Variants in NCK1 observed in about 807,000 individuals in gnomAD.
NCK1 encodes the protein NCK adaptor protein 1.
NCK1 carries 19 observed loss-of-function variants against 36.6 expected under a neutral mutation model. That is an observed-to-expected ratio of 0.52 (90% confidence interval 0.36 to 0.76). The LOEUF is 0.76. NCK1 is among the 30% of genes least tolerant of loss of function. NCK1 has a pLI of 0.00. For missense variants in NCK1, 358 were observed against 445.6 expected, an observed-to-expected ratio of 0.80 and a Z score of 1.77; for synonymous variants, 165 against 156.0, an observed-to-expected ratio of 1.06 and a Z score of -0.43.
chr3:136,875,332 A>G (rs1938736454), intron 1 of NCK1, among the ~76,000 whole-genome samples: 1 of 152,056 alleles, frequency 6.6e-6, no homozygotes, highest in Non-Finnish European at 1.5e-5. Flanking sequence ...AACAGGGACA[A>G]TTTGACTTCC....
intron 1 of NCK1, among the ~76,000 whole-genome samples, chr3:136,888,136 G>C (rs1339217703): frequency 1.3e-5 from 2 of 151,892 alleles, no homozygotes; most frequent in African/African-American, 2.4e-5. Flanking sequence ...GTAGAGACAG[G>C]GTTTCGCCAT....
chr3:136,925,602 A>C (rs1046609326), intron 1 of NCK1, among the ~76,000 whole-genome samples: 1 of 152,154 alleles, frequency 6.6e-6, no homozygotes, highest in Non-Finnish European at 1.5e-5. Flanking sequence ...GTGTTATATA[A>C]ATGGAGTCAT....
intron 1 of NCK1, among the ~76,000 whole-genome samples, chr3:136,907,501 C>G (rs1448086547): frequency 6.6e-5 from 10 of 152,128 alleles, no homozygotes; most frequent in Admixed American, 1.3e-4. Context: ...GAGGGCTTCT[C>G]CCATGGCTAG....
intron 1 of NCK1, 113 bp from the exon 2 acceptor site, chr3:136,927,871 A>G: frequency 1.3e-6 from 1 of 789,096 alleles, no homozygotes; most frequent in Non-Finnish European, 2.0e-6. Context: ...TTTTTTCCAT[A>G]TTTTTTACTT....
At chr3:136,899,305 G>T in intron 1 of NCK1, 1 of 239,388 alleles carries the variant, frequency 4.2e-6, no homozygotes, top group South Asian at 6.4e-5. Flanking sequence ...GGCGAGGACT[G>T]AGATTCTGAT....
At chr3:136,921,900 C>T (rs1354443767) in intron 1 of NCK1, among the ~76,000 whole-genome samples, 1 of 152,204 alleles carries the variant, frequency 6.6e-6, no homozygotes, top group Non-Finnish European at 1.5e-5. Flanking sequence ...TCCCCTGCCT[C>T]AGTCTCCTGA....
intron 2 of NCK1, 116 bp downstream of exon 2, chr3:136,928,343 G>C (rs577075504): frequency 3.2e-6 from 3 of 946,226 alleles, no homozygotes; most frequent in Non-Finnish European, 4.7e-6. Flanking sequence ...CAAGGGCTAG[G>C]TAAGTTTGAG....
At chr3:136,877,468 G>A (rs1938805956) in intron 1 of NCK1, among the ~76,000 whole-genome samples, 1 of 152,186 alleles carries the variant, frequency 6.6e-6, no homozygotes, top group Non-Finnish European at 1.5e-5. Context: ...GATGTGTATA[G>A]AGCCATGCTT....
At chr3:136,929,716 T>A (rs956230326) in intron 2 of NCK1, among the ~76,000 whole-genome samples, 1 of 152,172 alleles carries the variant, frequency 6.6e-6, no homozygotes, top group Non-Finnish European at 1.5e-5. Flanking sequence ...CCAGTTAGAC[T>A]TTTTTGTTCC....
chr3:136,899,322 G>A (rs1013194823), intron 1 of NCK1: 7 of 234,354 alleles, frequency 3.0e-5, no homozygotes, highest in Middle Eastern at 5.0e-4. Context: ...TGATTTGATG[G>A]CAGCCAGAGC....
intron 1 of NCK1, among the ~76,000 whole-genome samples, chr3:136,910,767 C>T (rs1442182137): frequency 6.6e-6 from 1 of 152,154 alleles, no homozygotes; most frequent in African/African-American, 2.4e-5. Context: ...ACCTTGTTTA[C>T]ATATCATTTT....
chr3:136,906,353 TC>T (rs1560042700), intron 1 of NCK1, among the ~76,000 whole-genome samples: 1 of 151,754 alleles, frequency 6.6e-6, no homozygotes, highest in Non-Finnish European at 1.5e-5. Context: ...CAAGTGATCC[TC>T]CCGCCTCAGC....
intron 1 of NCK1, among the ~76,000 whole-genome samples, chr3:136,900,516 C>T (rs1458991137): frequency 1.3e-5 from 2 of 152,070 alleles, no homozygotes; most frequent in African/African-American, 2.4e-5. Context: ...TTGCTTATGG[C>T]AGTATGGTCA....
At chr3:136,925,082 A>G (rs1429390837) in intron 1 of NCK1, among the ~76,000 whole-genome samples, 1 of 152,164 alleles carries the variant, frequency 6.6e-6, no homozygotes, top group Admixed American at 6.5e-5. Flanking sequence ...TCTTCTGTAA[A>G]TGTTGAAAAG....
intron 1 of NCK1, among the ~76,000 whole-genome samples, chr3:136,871,347 A>G (rs1938611214): frequency 2.0e-5 from 3 of 152,160 alleles, no homozygotes; most frequent in Admixed American, 6.5e-5. Context: ...GCAGTGAGCT[A>G]TGATCGCGCC....
intron 1 of NCK1, among the ~76,000 whole-genome samples, chr3:136,917,772 T>C (rs1232591214): frequency 1.3e-5 from 2 of 152,228 alleles, no homozygotes; most frequent in African/African-American, 4.8e-5. Flanking sequence ...GTGGTTTAGG[T>C]TGAGTAAAAT....
intron 1 of NCK1, among the ~76,000 whole-genome samples, chr3:136,903,127 TAC>T (rs1489269569): frequency 6.6e-6 from 1 of 152,256 alleles, no homozygotes; most frequent in Non-Finnish European, 1.5e-5. Flanking sequence ...ATCTGGGTGC[TAC>T]AGTGTTGGGT....
chr3:136,879,004 A>G (rs1471140878), intron 1 of NCK1, among the ~76,000 whole-genome samples: 1 of 152,182 alleles, frequency 6.6e-6, no homozygotes, highest in Non-Finnish European at 1.5e-5. Context: ...GTTATTTACA[A>G]TAGCTTTTAT....
chr3:136,889,895 A>C (rs1939188448), intron 1 of NCK1, among the ~76,000 whole-genome samples: 1 of 152,152 alleles, frequency 6.6e-6, no homozygotes, highest in Non-Finnish European at 1.5e-5. Context: ...AGACATAAAG[A>C]TTCTCCAAGG....
Sources: allele counts gnomAD v4.1 joint callset (sites outside exome capture counted in the v4.1 genomes callset), GRCh38; gene constraint gnomAD v4.1.1; transcripts MANE v1.5; gene names NCBI Gene and HGNC (gene_info 2026-07-23, HGNC 2026-07-21).